Variants in RBFOX1 observed in about 807,000 individuals in gnomAD.
RBFOX1 encodes RNA binding protein fox-1 homolog 1.
A neutral mutation model predicts 57.7 loss-of-function variants in RBFOX1; 8 were observed. The ratio of observed to expected loss-of-function variants is 0.14; its 90% CI spans 0.08 to 0.25. RBFOX1 has a LOEUF of 0.25. Ranked by LOEUF, RBFOX1 falls within the 10% of genes least tolerant of loss-of-function variation. The pLI is 1.00. For synonymous variants in RBFOX1, 326 were observed against 222.4 expected, an observed-to-expected ratio of 1.47 and a Z score of -4.15; for missense variants, 611 against 548.5, an observed-to-expected ratio of 1.11 and a Z score of -1.14.
At chr16:5,382,732 C>A (rs545018971) in intron 1 of RBFOX1, among the ~76,000 whole-genome samples, 2 of 152,142 alleles carry the variant, frequency 1.3e-5, no homozygotes, top group East Asian at 3.8e-4. Flanking sequence ...GCAAGGTTTT[C>A]GGTATCTTTT....
intron 3 of RBFOX1, among the ~76,000 whole-genome samples, chr16:7,002,387 T>A (rs1290030396): frequency 6.6e-6 from 1 of 152,206 alleles, no homozygotes; most frequent in African/African-American, 2.4e-5. Flanking sequence ...GGTTTTCTGT[T>A]TATCCAGCAA....
chr16:7,438,159 T>G (rs1383070313), intron 4 of RBFOX1, among the ~76,000 whole-genome samples: 1 of 152,096 alleles, frequency 6.6e-6, no homozygotes, highest in Non-Finnish European at 1.5e-5. Context: ...AAGAAAAGAT[T>G]ATATAAGAAA....
chr16:6,964,783 C>G (rs1032115398), intron 3 of RBFOX1, among the ~76,000 whole-genome samples: 3 of 152,114 alleles, frequency 2.0e-5, no homozygotes, highest in African/African-American at 7.2e-5. Flanking sequence ...CTCAGCAGGG[C>G]TGTTTGAAAA....
intron 1 of RBFOX1, among the ~76,000 whole-genome samples, chr16:6,267,882 G>T (rs961797419): frequency 1.3e-5 from 2 of 152,070 alleles, no homozygotes; most frequent in Non-Finnish European, 2.9e-5. Flanking sequence ...GCTTTAAATG[G>T]GCTATTACCT....
chr16:7,458,368 C>T (rs1434205455), intron 4 of RBFOX1, among the ~76,000 whole-genome samples: 1 of 152,192 alleles, frequency 6.6e-6, no homozygotes, highest in Non-Finnish European at 1.5e-5. Context: ...CTCACTTTCC[C>T]ATGCTGTCCT....
chr16:5,704,714 T>TG lies in RBFOX1; in HGVS notation c.318+105759dup, dbSNP rs372643473. Among the ~76,000 whole-genome samples the TG allele has an allele frequency of 4.1e-3, 631 of 152,260 alleles. 6 individuals carry two copies. The highest frequency in any genetic ancestry group is 0.013 in the African/African-American group (556 of 41,552). ...GGTTTCATTTGGCTCATTTATATTT[T>TG]GGGGGGCTCTCCCAGGACCCCTCAA... is the stretch of plus-strand genomic sequence containing the variant. On this transcript the variant is annotated intron_variant, in intron 3 of 19. Transcript: ENST00000641259.
intron 14 of RBFOX1, among the ~76,000 whole-genome samples, chr16:7,695,770 G>C (rs1457030302): frequency 1.3e-5 from 2 of 151,858 alleles, no homozygotes; most frequent in East Asian, 1.9e-4. Context: ...ATTGAATCCT[G>C]CTATCTACTG....
chr16:5,685,532 G>A (rs1290132825), intron 3 of RBFOX1, among the ~76,000 whole-genome samples: 1 of 152,176 alleles, frequency 6.6e-6, no homozygotes, highest in Non-Finnish European at 1.5e-5. Context: ...TCACAGGGTT[G>A]GAGAATGCAG....
chr16:7,026,722 C>G (rs2041067740), intron 3 of RBFOX1, among the ~76,000 whole-genome samples: 1 of 152,178 alleles, frequency 6.6e-6, no homozygotes, highest in South Asian at 2.1e-4. Context: ...AACCCTCTTT[C>G]TTCCATACCT....
At chr16:7,573,086 G>T (rs1191141827) in intron 5 of RBFOX1, among the ~76,000 whole-genome samples, 1 of 152,164 alleles carries the variant, frequency 6.6e-6, no homozygotes, top group Non-Finnish European at 1.5e-5. Context: ...GAGTGCTGGT[G>T]CAGAGTTGCT....
intron 1 of RBFOX1, among the ~76,000 whole-genome samples, chr16:5,257,824 G>T (rs111677980): frequency 3.9e-5 from 6 of 152,034 alleles, no homozygotes; most frequent in African/African-American, 1.2e-4. Flanking sequence ...GAGACGGTCA[G>T]ATCTCAAAAA....
chr16:6,996,510 A>T (rs2092260931), intron 3 of RBFOX1, among the ~76,000 whole-genome samples: 1 of 152,216 alleles, frequency 6.6e-6, no homozygotes, highest in Admixed American at 6.5e-5. Context: ...TTACTTGAAA[A>T]TAAGTAGGGC....
chr16:7,188,816 A>T (rs879771168), intron 4 of RBFOX1, among the ~76,000 whole-genome samples: 1 of 152,232 alleles, frequency 6.6e-6, no homozygotes, highest in African/African-American at 2.4e-5. Flanking sequence ...CCAAAGAATG[A>T]CATTGAGTTG....
In RBFOX1 at chr16:6,678,354, C is replaced by T. The variant is rs546025100; in HGVS notation, c.-16+23704C>T. ...TGGCCAGGCTGGTTTGAACTCCTGA[C>T]CTCAAGTCATCTACCCAACTCAGCC... On this transcript the variant is annotated intron_variant, in intron 3 of 15. Transcript: ENST00000550418. Among the ~76,000 whole-genome samples, 19 of 152,154 alleles carry T rather than the reference C, an allele frequency of 1.2e-4. No homozygotes were observed. The South Asian group carries it at 3.7e-3, about 30-fold the overall frequency.
rs373464801 is a variant in RBFOX1, at chr16:7,685,448, A to G, written c.995+8610A>G. Among the ~76,000 whole-genome samples the G allele has an allele frequency of 5.4e-4, 82 of 152,204 alleles. 1 individual carries two copies. The highest frequency in any genetic ancestry group is 1.9e-3 in the African/African-American group (79 of 41,548). On this transcript the variant is annotated intron_variant, in intron 14 of 15. Transcript: ENST00000550418. ...GCTAACATCGTGTCATTAATTGCATAGATTCACGCTAATATAAAGGAGTAC... is the reference window on the plus strand; with the variant it reads ...GCTAACATCGTGTCATTAATTGCATGGATTCACGCTAATATAAAGGAGTAC...
Position 6,495,456 on chromosome 16 carries a change from C to A in RBFOX1, c.-63-159147C>A, listed in dbSNP as rs969392675. ...GACAGCCATCTATAAGATGATGTCC[C>A]CACTTTCGTAGATCGGTTGGTCATA... On this transcript the variant is annotated intron_variant, in intron 2 of 15. Transcript: ENST00000550418. 2.0e-5 allele frequency among the ~76,000 whole-genome samples: 3 copies of A among 151,954 alleles called. No individual in the cohort carries two copies. In the East Asian group the frequency reaches 5.8e-4, roughly 29 times the overall value.
At chr16:7,244,843 C>T (rs575858672) in intron 4 of RBFOX1, among the ~76,000 whole-genome samples, 10 of 152,274 alleles carry the variant, frequency 6.6e-5, no homozygotes, top group African/African-American at 2.2e-4. Context: ...CACTTCTGCT[C>T]ATGATGGGCC....
At chr16:5,677,959 T>A (rs1252133963) in intron 3 of RBFOX1, among the ~76,000 whole-genome samples, 1 of 152,236 alleles carries the variant, frequency 6.6e-6, no homozygotes, top group African/African-American at 2.4e-5. Context: ...ATGTGTTCTA[T>A]GTCAGATGCT....
intron 1 of RBFOX1, among the ~76,000 whole-genome samples, chr16:5,440,175 A>C (rs1240533995): frequency 6.6e-6 from 1 of 152,324 alleles, no homozygotes; most frequent in East Asian, 1.9e-4. Flanking sequence ...CATTGTGCAA[A>C]TGCAGTTTCT....
Sources: allele counts gnomAD v4.1 joint callset (sites outside exome capture counted in the v4.1 genomes callset), GRCh38; gene constraint gnomAD v4.1.1; transcripts MANE v1.5; gene names NCBI Gene and HGNC (gene_info 2026-07-23, HGNC 2026-07-21).